Variants in TXNRD1 observed in about 807,000 individuals in gnomAD.
TXNRD1 encodes the protein thioredoxin reductase 1, cytoplasmic.
Under a neutral mutation model 80.3 loss-of-function variants are expected in TXNRD1, and 57 were observed. That is an observed-to-expected ratio of 0.71 (90% CI 0.57 to 0.89). The LOEUF (loss-of-function observed/expected upper bound fraction) is 0.89. Ranked by LOEUF, TXNRD1 falls within the 40% of genes least tolerant of loss-of-function variation. The pLI is 0.00. For synonymous variants in TXNRD1, 291 were observed against 285.2 expected, an observed-to-expected ratio of 1.02 and a Z score of -0.20; for missense variants, 730 against 803.0, an observed-to-expected ratio of 0.91 and a Z score of 1.10.
chr12:104,263,583 G>C (rs1296437903), intron 3 of TXNRD1, among the ~76,000 whole-genome samples: 1 of 152,112 alleles, frequency 6.6e-6, no homozygotes, highest in Non-Finnish European at 1.5e-5. Flanking sequence ...CTATACTTCA[G>C]GTGTCTTCCT....
intron 10 of TXNRD1, among the ~76,000 whole-genome samples, chr12:104,322,393 T>C (rs1250859623): frequency 6.9e-6 from 1 of 145,150 alleles, no homozygotes; most frequent in East Asian, 2.0e-4. Flanking sequence ...TTTTTTTTTT[T>C]TTTTTGAGAC....
At chr12:104,218,456 A>G in intron 1 of TXNRD1, among the ~76,000 whole-genome samples, 1 of 152,114 alleles carries the variant, frequency 6.6e-6, no homozygotes, top group African/African-American at 2.4e-5. Context: ...GAGCCCCTCT[A>G]ATGTCTCTTA....
chr12:104,230,907 A>G (rs1394242504), intron 1 of TXNRD1, among the ~76,000 whole-genome samples: 1 of 152,136 alleles, frequency 6.6e-6, no homozygotes, highest in Non-Finnish European at 1.5e-5. Flanking sequence ...TAATATGCAA[A>G]TGCAGGGCGC....
In TXNRD1 at chr12:104,267,179, A is replaced by AAT. The variant is rs1555209180; in HGVS notation, c.304+9102_304+9103dup. ...AGACTCCCTCTCAAAAAAAAAAAAA[A>AAT]ATAATATAATAATTAATAATAATAG... On this transcript the variant is annotated intron_variant, in intron 3 of 16. Transcript: ENST00000525566. Among the ~76,000 whole-genome samples the AAT allele has an allele frequency of 1.2e-3, 163 of 140,040 alleles. 6 individuals are homozygous for AAT. Among genetic ancestry groups the AAT allele is most frequent in the African/African-American group, 2.3e-3 (88 of 37,980 alleles). 91.9% of individuals were successfully genotyped at this position (140,040 alleles called of 152,430 possible).
chr12:104,284,353 G>A lies in TXNRD1; in HGVS notation c.305-4578G>A, dbSNP rs1013677196. The A allele has an allele frequency of 3.9e-5, 6 of 152,310 alleles. No individual in the cohort carries two copies. The East Asian group carries it at 7.7e-4, about 20-fold the overall frequency. 9.4% of individuals were successfully genotyped at this position (152,310 alleles called of 1,614,324 possible). A position where few individuals can be genotyped will look rare whatever the true frequency, so the allele number is the denominator to read the frequency against. On this transcript the variant is annotated intron_variant, in intron 3 of 16. Transcript: ENST00000525566. ...CAAGGGTGGGCCTTGCCATGTCAAC[G>A]CGACTGAGAAGCTTGGACTTCATAT...
intron 16 of TXNRD1, among the ~76,000 whole-genome samples, chr12:104,342,072 A>G (rs371532206): frequency 1.3e-5 from 2 of 152,044 alleles, no homozygotes; most frequent in Admixed American, 1.3e-4. Context: ...ATATTCACCA[A>G]CCTGGAAGTT....
At chr12:104,280,812 C>T (rs1485753244) in intron 3 of TXNRD1, 2 of 152,094 alleles carry the variant, frequency 1.3e-5, no homozygotes, top group Admixed American at 1.3e-4. Flanking sequence ...TCCAGCCTAT[C>T]AGCCAGCCTT....
intron 13 of TXNRD1, among the ~76,000 whole-genome samples, chr12:104,331,063 A>G (rs748673779): frequency 1.1e-4 from 17 of 151,998 alleles, no homozygotes; most frequent in Non-Finnish European, 2.2e-4. Flanking sequence ...TATAATATCT[A>G]TAATCTTATT....
intron 4 of TXNRD1, 177 bp downstream of exon 4, chr12:104,289,217 T>G: frequency 1.8e-6 from 1 of 571,180 alleles, no homozygotes; most frequent in Non-Finnish European, 2.9e-6. Context: ...GATGAGACGT[T>G]GGACAAATTT....
chr12:104,322,920 C>G (rs2035591257), intron 10 of TXNRD1, among the ~76,000 whole-genome samples: 1 of 141,072 alleles, frequency 7.1e-6, no homozygotes, highest in Admixed American at 7.1e-5. Flanking sequence ...GAACAAAGGT[C>G]TCTGGTTTTC....
intron 11 of TXNRD1, among the ~76,000 whole-genome samples, chr12:104,325,932 C>T (rs2135848218): frequency 6.6e-6 from 1 of 151,072 alleles, no homozygotes; most frequent in Non-Finnish European, 1.5e-5. Context: ...TCCACTGTAA[C>T]TTAAAGTATT....
Position 104,349,460 on chromosome 12 carries a change from TATC to T in TXNRD1, c.*1042_*1044del, listed in dbSNP as rs367652526. The T allele has an allele frequency of 2.4e-4, 37 of 152,800 alleles. No individual in the cohort carries two copies. The highest frequency in any genetic ancestry group is 6.7e-4 in the African/African-American group (28 of 41,582). The allele number at this position is 152,800 out of a possible 1,614,324, so 9.5% of individuals were successfully genotyped here. ...ATTGCTTTTTAAAGGAAGTTATTAA[TATC>T]ATAAGTTATTATTAATATTTTGAAC... On this transcript the variant is annotated 3_prime_UTR_variant, in exon 17 of 17. Transcript: ENST00000525566.
At chr12:104,305,756 C>A (rs1003449009) in intron 4 of TXNRD1, among the ~76,000 whole-genome samples, 2 of 152,190 alleles carry the variant, frequency 1.3e-5, no homozygotes, top group Admixed American at 6.5e-5. Context: ...ATCTTGCTAT[C>A]CAGTTGTAGT....
intron 3 of TXNRD1, among the ~76,000 whole-genome samples, chr12:104,267,271 C>CTTTCTTTCTTTCTTTCTTTCTTTCT (rs2033522914): frequency 1.4e-5 from 2 of 138,034 alleles, no homozygotes; most frequent in South Asian, 4.7e-4. Context: ...TTCTTTCTTT[C>CTTTCTTTCTTTCTTTCTTTCTTTCT]TTTCTTTCTT....
At chr12:104,253,466 C>A (rs1253367089) in intron 2 of TXNRD1, among the ~76,000 whole-genome samples, 1 of 152,066 alleles carries the variant, frequency 6.6e-6, no homozygotes, top group Non-Finnish European at 1.5e-5. Flanking sequence ...TCTCAGATAA[C>A]CCATGCTAAA....
chr12:104,268,339 G>A (rs1169867223), intron 3 of TXNRD1, among the ~76,000 whole-genome samples: 2 of 145,386 alleles, frequency 1.4e-5, no homozygotes, highest in Non-Finnish European at 3.0e-5. Context: ...GTAAAACCCC[G>A]TCTCTACTAA....
intron 4 of TXNRD1, among the ~76,000 whole-genome samples, chr12:104,291,714 C>T (rs1275492895): frequency 1.3e-5 from 2 of 152,166 alleles, no homozygotes; most frequent in African/African-American, 4.8e-5. Context: ...GAACTTTTGA[C>T]GCCGTGATCC....
chr12:104,344,071 C>T (rs1167920801), intron 16 of TXNRD1, among the ~76,000 whole-genome samples: 1 of 152,110 alleles, frequency 6.6e-6, no homozygotes, highest in Non-Finnish European at 1.5e-5. Flanking sequence ...ACACTGCACT[C>T]CAGCCTGGAG....
intron 16 of TXNRD1, among the ~76,000 whole-genome samples, chr12:104,340,178 A>G (rs911415529): frequency 2.0e-5 from 3 of 152,238 alleles, no homozygotes; most frequent in African/African-American, 7.2e-5. Flanking sequence ...CTAAAATATT[A>G]ACATGTTGAG....
Sources: allele counts gnomAD v4.1 joint callset (sites outside exome capture counted in the v4.1 genomes callset), GRCh38; gene constraint gnomAD v4.1.1; transcripts MANE v1.5; gene names NCBI Gene and HGNC (gene_info 2026-07-23, HGNC 2026-07-21).